Variants in ZMIZ1 observed in about 807,000 individuals in gnomAD.
ZMIZ1 encodes zinc finger MIZ domain-containing protein 1.
ZMIZ1 carries 17 observed loss-of-function variants against 113.9 expected under a neutral mutation model. The observed-to-expected ratio is 0.15, with a 90% CI of 0.10 to 0.22. ZMIZ1 has a LOEUF of 0.22. Ranked by LOEUF, ZMIZ1 falls within the 10% of genes least tolerant of loss-of-function variation. ZMIZ1 has a pLI of 1.00. For missense variants in ZMIZ1, 1,059 were observed against 1,477.8 expected, an observed-to-expected ratio of 0.72 and a Z score of 4.65; for synonymous variants, 607 against 603.1, an observed-to-expected ratio of 1.01 and a Z score of -0.09.
At chr10:79,271,000 G>A (rs1851916155) in intron 7 of ZMIZ1, among the ~76,000 whole-genome samples, 1 of 152,218 alleles carries the variant, frequency 6.6e-6, no homozygotes, top group Non-Finnish European at 1.5e-5. Context: ...CAGAGGCACA[G>A]CTGCCTCCAA....
chr10:79,080,868 C>T (rs1489682604), intron 1 of ZMIZ1, among the ~76,000 whole-genome samples: 1 of 152,126 alleles, frequency 6.6e-6, no homozygotes, highest in African/African-American at 2.4e-5. Flanking sequence ...TCCTAGCCAG[C>T]TCCCCAGAGG....
intron 3 of ZMIZ1, among the ~76,000 whole-genome samples, chr10:79,158,781 A>G (rs1188123461): frequency 6.6e-6 from 1 of 152,214 alleles, no homozygotes; most frequent in Non-Finnish European, 1.5e-5. Flanking sequence ...TCTTAGTCCC[A>G]GGACAGTCCC....
intron 10 of ZMIZ1, 65 bp downstream of exon 10, chr10:79,291,241 G>C (rs1853476274): frequency 1.3e-6 from 2 of 1,482,120 alleles, no homozygotes; most frequent in South Asian, 2.6e-5. Flanking sequence ...CCAGTGGGGA[G>C]GGACCCACTT....
At chr10:79,199,647 T>A (rs994243409) in intron 4 of ZMIZ1, among the ~76,000 whole-genome samples, 7 of 152,148 alleles carry the variant, frequency 4.6e-5, no homozygotes, top group African/African-American at 1.7e-4. Context: ...AGAAATAGTG[T>A]GTGTAGATAT....
Position 79,300,859 on chromosome 10 carries a change from A to G in ZMIZ1, c.1936A>G (p.Thr646Ala). ...PLTIERGDNKTSHKPLHLKHV... is the reference protein window; with the variant it reads ...PLTIERGDNKASHKPLHLKHV... ...CACCATTGAGCGCGGCGACAACAAG[A>G]CCTCCCACAAGCCCCTGCACCTGAA... Residue 646 changes from threonine to alanine, a missense_variant, in exon 17 of 25, where the codon ACC (threonine) becomes GCC (alanine). Around this residue, in one of 6 missense-constraint regions of ZMIZ1, gnomAD observed 217 missense variants for 426.9 expected, o/e 0.51. Transcript: ENST00000334512. 6.2e-7 allele frequency: 1 copy of G among 1,611,816 alleles called. No individual in the cohort carries two copies. The highest frequency in any genetic ancestry group is 8.5e-7 in the Non-Finnish European group (1 of 1,179,700).
chr10:79,185,276 C>T (rs967692666), intron 4 of ZMIZ1, among the ~76,000 whole-genome samples: 1 of 152,178 alleles, frequency 6.6e-6, no homozygotes, highest in Non-Finnish European at 1.5e-5. Context: ...AAAACGGATT[C>T]GCCCCAAAAT....
At chr10:79,120,154 AGTG>A (rs1279045377) in intron 2 of ZMIZ1, among the ~76,000 whole-genome samples, 3 of 152,178 alleles carry the variant, frequency 2.0e-5, no homozygotes, top group Non-Finnish European at 4.4e-5. Context: ...CACAGACATG[AGTG>A]GTGGTGAGTG....
chr10:79,150,231 C>A (rs1352631267), intron 3 of ZMIZ1, among the ~76,000 whole-genome samples: 2 of 152,334 alleles, frequency 1.3e-5, no homozygotes, highest in Non-Finnish European at 2.9e-5. Flanking sequence ...CAACAGGAAG[C>A]CCTGCCCAGA....
At chr10:79,266,415 A>G (rs1464453925) in intron 7 of ZMIZ1, among the ~76,000 whole-genome samples, 1 of 152,224 alleles carries the variant, frequency 6.6e-6, no homozygotes, top group East Asian at 1.9e-4. Flanking sequence ...AAATACAGGT[A>G]GTGTAATCCT....
intron 4 of ZMIZ1, among the ~76,000 whole-genome samples, chr10:79,172,314 C>T (rs150687448): frequency 1.1e-4 from 17 of 152,246 alleles, no homozygotes; most frequent in Admixed American, 2.0e-4. Context: ...GGTGTATGCC[C>T]TAGACAGACC....
At chr10:79,164,260 C>T (rs1406200481) in intron 4 of ZMIZ1, among the ~76,000 whole-genome samples, 2 of 152,224 alleles carry the variant, frequency 1.3e-5, no homozygotes, top group Non-Finnish European at 2.9e-5. Context: ...TGAGAAGTTG[C>T]TGCCTTTCCC....
chr10:79,137,182 C>T (rs1845043900), intron 2 of ZMIZ1, among the ~76,000 whole-genome samples: 1 of 152,194 alleles, frequency 6.6e-6, no homozygotes, highest in African/African-American at 2.4e-5. Flanking sequence ...TGGCCCAGCC[C>T]TGTGCTGCCC....
At chr10:79,122,666 C>T (rs1844350501) in intron 2 of ZMIZ1, among the ~76,000 whole-genome samples, 1 of 152,166 alleles carries the variant, frequency 6.6e-6, no homozygotes, top group Non-Finnish European at 1.5e-5. Context: ...GAGTTCTCTA[C>T]AGTGTGCGAA....
chr10:79,248,529 G>C (rs1850349479), intron 7 of ZMIZ1, among the ~76,000 whole-genome samples: 1 of 152,150 alleles, frequency 6.6e-6, no homozygotes, highest in Non-Finnish European at 1.5e-5. Flanking sequence ...GCAGGAATCG[G>C]GCATAGAAGT....
chr10:79,311,455 C>G (rs541890188), intron 24 of ZMIZ1, among the ~76,000 whole-genome samples: 1 of 152,290 alleles, frequency 6.6e-6, no homozygotes, highest in East Asian at 1.9e-4. Flanking sequence ...GACCCAAGCC[C>G]TGCGGGGTCC....
At chr10:79,074,879 T>G (rs999719796) in intron 1 of ZMIZ1, among the ~76,000 whole-genome samples, 1 of 152,248 alleles carries the variant, frequency 6.6e-6, no homozygotes, top group African/African-American at 2.4e-5. Context: ...GTGCAGGTAA[T>G]GACTGTGGCT....
At chr10:79,123,497 G>A (rs1449679818) in intron 2 of ZMIZ1, among the ~76,000 whole-genome samples, 2 of 152,198 alleles carry the variant, frequency 1.3e-5, no homozygotes, top group Admixed American at 6.5e-5. Context: ...TGGCAGTAGC[G>A]GGAGTGAGTA....
At chr10:79,114,489 G>C (rs886282640) in intron 1 of ZMIZ1, among the ~76,000 whole-genome samples, 1 of 102,946 alleles carries the variant, frequency 9.7e-6, no homozygotes, top group Non-Finnish European at 2.3e-5. Flanking sequence ...GTGTGTGTGT[G>C]TGTGCGTGTG....
intron 24 of ZMIZ1, 110 bp downstream of exon 24, chr10:79,311,294 T>TGGGGGGG (rs2132111588): frequency 3.4e-4 from 34 of 99,138 alleles, no homozygotes; most frequent in East Asian, 9.5e-4. Context: ...AGGAGGTGGG[T>TGGGGGGG]GGGCGGTGGG....
Sources: gnomAD v4.1 joint callset for allele counts (sites outside exome capture counted in the v4.1 genomes callset) on GRCh38, gnomAD v4.1.1 for gene constraint, gnomAD v4.1.1 regional missense constraint, MANE v1.5 for transcripts, NCBI Gene and HGNC (gene_info 2026-07-23, HGNC 2026-07-21) for gene names.